Variants in HPSE2 observed in about 807,000 individuals in gnomAD.
The protein encoded by HPSE2 is inactive heparanase-2.
Under a neutral mutation model 60.5 loss-of-function variants are expected in HPSE2, and 38 were observed. The ratio of observed to expected loss-of-function variants is 0.63; its 90% CI spans 0.48 to 0.82. The LOEUF (loss-of-function observed/expected upper bound fraction) is 0.82, where lower values mean the gene tolerates loss of function less well. HPSE2 is among the 40% of genes least tolerant of loss of function. The pLI is 0.00. For missense variants in HPSE2, 713 were observed against 740.4 expected, an observed-to-expected ratio of 0.96 and a Z score of 0.43; for synonymous variants, 295 against 293.2, an observed-to-expected ratio of 1.01 and a Z score of -0.06.
At chr10:98,634,569 A>C in intron 7 of HPSE2, among the ~76,000 whole-genome samples, 1 of 152,200 alleles carries the variant, frequency 6.6e-6, no homozygotes. Context: ...AGAGGATCAA[A>C]TAAGCAGGTA....
intron 2 of HPSE2, among the ~76,000 whole-genome samples, chr10:99,224,921 G>C (rs1474807688): frequency 6.6e-6 from 1 of 151,920 alleles, no homozygotes; most frequent in African/African-American, 2.4e-5. Context: ...GTATTTCTTG[G>C]TCTCTACCAC....
At chr10:98,861,275 C>A (rs765490173) in intron 3 of HPSE2, among the ~76,000 whole-genome samples, 3 of 152,128 alleles carry the variant, frequency 2.0e-5, no homozygotes, top group Admixed American at 6.5e-5. Context: ...GAAACAGAAG[C>A]CCCCAACATT....
At chr10:99,240,840 A>G (rs1302730786), upstream of HPSE2, among the ~76,000 whole-genome samples, 1 of 151,882 alleles carries the variant, frequency 6.6e-6, no homozygotes, top group African/African-American at 2.4e-5. Context: ...CACTATTCCC[A>G]TTTTCCCCTT....
At chr10:99,194,914 C>A (rs1400553963) in intron 2 of HPSE2, among the ~76,000 whole-genome samples, 2 of 151,766 alleles carry the variant, frequency 1.3e-5, no homozygotes, top group Admixed American at 6.6e-5. Context: ...ATCTTGATAC[C>A]AAAACCAGAC....
At chr10:99,202,244 T>C (rs1329254749) in intron 2 of HPSE2, among the ~76,000 whole-genome samples, 1 of 152,158 alleles carries the variant, frequency 6.6e-6, no homozygotes, top group Non-Finnish European at 1.5e-5. Context: ...GATGATGAAA[T>C]GCAGAGCAAA....
chr10:98,500,462 A>G (rs1384140048), intron 9 of HPSE2, among the ~76,000 whole-genome samples: 1 of 152,208 alleles, frequency 6.6e-6, no homozygotes, highest in Non-Finnish European at 1.5e-5. Context: ...AAATTAAAAA[A>G]TTATTCAAAC....
chr10:98,579,083 A>C (rs1944718835), intron 9 of HPSE2, among the ~76,000 whole-genome samples: 1 of 112,648 alleles, frequency 8.9e-6, no homozygotes, highest in Non-Finnish European at 2.0e-5. Context: ...GTCAGTGGGA[A>C]TCTCAGCTGC....
At chr10:99,210,788 T>C (rs915245941) in intron 2 of HPSE2, among the ~76,000 whole-genome samples, 34 of 152,270 alleles carry the variant, frequency 2.2e-4, no homozygotes, top group East Asian at 7.7e-4. Context: ...ATAAAGGCCA[T>C]GTATGACAAA....
chr10:98,767,413 A>G (rs1950144137), intron 3 of HPSE2, among the ~76,000 whole-genome samples: 1 of 151,620 alleles, frequency 6.6e-6, no homozygotes, highest in East Asian at 1.9e-4. Context: ...TACTATTTGT[A>G]TGATGGTTAA....
intron 9 of HPSE2, among the ~76,000 whole-genome samples, chr10:98,551,156 G>A (rs1295032287): frequency 6.6e-6 from 1 of 152,180 alleles, no homozygotes; most frequent in Non-Finnish European, 1.5e-5. Flanking sequence ...CGCAGGCTGT[G>A]AGCGTTGTTG....
chr10:98,645,320 C>T (rs1177939730), intron 6 of HPSE2, among the ~76,000 whole-genome samples: 2 of 152,114 alleles, frequency 1.3e-5, no homozygotes, highest in Non-Finnish European at 2.9e-5. Context: ...ACGTGGGGGT[C>T]TTTTTCAGGT....
chr10:98,686,690 T>C (rs778744239), intron 6 of HPSE2, among the ~76,000 whole-genome samples: 13 of 152,322 alleles, frequency 8.5e-5, no homozygotes, highest in Non-Finnish European at 1.8e-4. Flanking sequence ...CAGGCACATA[T>C]ATTATTTTGA....
intron 11 of HPSE2, among the ~76,000 whole-genome samples, chr10:98,460,710 A>C (rs1428555469): frequency 6.6e-6 from 1 of 152,242 alleles, no homozygotes; most frequent in African/African-American, 2.4e-5. Context: ...TGTGATCACA[A>C]TTCATCTATC....
At chr10:98,999,156 C>CGTGTGTGT (rs55879808) in intron 3 of HPSE2, among the ~76,000 whole-genome samples, 2,562 of 137,648 alleles carry the variant, frequency 0.019, 32 homozygotes, top group African/African-American at 0.041. Flanking sequence ...GTATAGACTA[C>CGTGTGTGT]GTGTGTGTGT....
At position 98,994,029 on chromosome 10, in the gene HPSE2, A is replaced by G. The variant is rs529569269; in HGVS notation, c.610+150209T>C. On this transcript the variant is annotated intron_variant, in intron 3 of 11. Coordinates refer to ENST00000370552, the MANE Select transcript of HPSE2 (RefSeq NM_021828.5). Reference sequence around the variant, plus strand: ...GGTAGCCACACTGAAGTTCACTATTATATTTCTTTCTGCCAGAATAGCACA... The same window carrying G: ...GGTAGCCACACTGAAGTTCACTATTGTATTTCTTTCTGCCAGAATAGCACA... Among the ~76,000 whole-genome samples, 13 of 152,306 alleles carry G rather than the reference A, an allele frequency of 8.5e-5. No homozygotes were observed. In the South Asian group the frequency reaches 2.5e-3, roughly 29 times the overall value.
rs990599531 is a variant in HPSE2, at chr10:99,050,315, C to A, written c.610+93923G>T. 8.6e-5 allele frequency among the ~76,000 whole-genome samples: 13 copies of A among 151,338 alleles called. 1 individual carries two copies. The highest frequency in any genetic ancestry group is 7.9e-4 in the Admixed American group (12 of 15,182). On this transcript the variant is annotated intron_variant, in intron 3 of 11. Coordinates refer to ENST00000370552, the MANE Select transcript of HPSE2 (RefSeq NM_021828.5). ...AGACTCTGTCTCAAAAAAAAAAAACCCCTAAAACTTGAAAAGATAACAAGT... is the reference window on the plus strand; with the variant it reads ...AGACTCTGTCTCAAAAAAAAAAAACACCTAAAACTTGAAAAGATAACAAGT...
At chr10:98,723,444 G>T (rs947303713) in intron 4 of HPSE2, among the ~76,000 whole-genome samples, 20 of 152,216 alleles carry the variant, frequency 1.3e-4, no homozygotes, top group African/African-American at 4.8e-4. Context: ...TCGTGTCTCT[G>T]CCAGGCTTTG....
intron 9 of HPSE2, among the ~76,000 whole-genome samples, chr10:98,595,067 A>G (rs1375306614): frequency 6.6e-6 from 1 of 151,258 alleles, no homozygotes; most frequent in African/African-American, 2.4e-5. Flanking sequence ...GTCTTCTTCA[A>G]TTTTTTTCAT....
intron 3 of HPSE2, among the ~76,000 whole-genome samples, chr10:98,971,777 C>A (rs7900872): frequency 0.15 from 23,307 of 151,986 alleles, 2,700 homozygotes; most frequent in African/African-American, 0.32. Flanking sequence ...CCTTTATAGA[C>A]CCACATGAGA....
Sources: gnomAD v4.1 joint callset for allele counts (sites outside exome capture counted in the v4.1 genomes callset) on GRCh38, gnomAD v4.1.1 for gene constraint, MANE v1.5 for transcripts, NCBI Gene and HGNC (gene_info 2026-07-23, HGNC 2026-07-21) for gene names.